CBR4: variants seen among roughly 807,000 people sequenced by gnomAD.
CBR4 encodes 3-oxoacyl-[acyl-carrier-protein] reductase.
CBR4 carries 22 observed loss-of-function variants against 21.0 expected under a neutral mutation model. That is an observed-to-expected ratio of 1.05 (90% CI 0.75 to 1.50). CBR4 has a LOEUF of 1.50. CBR4 is among the 40% of genes most tolerant of loss of function. The pLI is 0.00. For synonymous variants in CBR4, 100 were observed against 104.4 expected (o/e 0.96, Z 0.26); for missense variants, 302 against 286.3 (o/e 1.05, Z -0.40).
intron 3 of CBR4, chr4:168,894,495 G>A: frequency 1.2e-6 from 1 of 818,302 alleles, no homozygotes; most frequent in Non-Finnish European, 2.1e-6. Flanking sequence ...ATGAAAGTGT[G>A]TTGTTTTTTA....
intron 1 of CBR4, among the ~76,000 whole-genome samples, chr4:169,008,277 A>G (rs1409937136): frequency 2.6e-5 from 4 of 152,182 alleles, no homozygotes; most frequent in African/African-American, 9.7e-5. Context: ...GAGATGAGAC[A>G]ACACAGGAAG....
At chr4:168,976,847 T>C (rs1000677813) in intron 2 of CBR4, among the ~76,000 whole-genome samples, 1 of 152,212 alleles carries the variant, frequency 6.6e-6, no homozygotes, top group African/African-American at 2.4e-5. Flanking sequence ...GAACTGGCTA[T>C]TTTCACTTCT....
At chr4:168,980,735 C>CA (rs1177018462) in intron 2 of CBR4, among the ~76,000 whole-genome samples, 4 of 151,872 alleles carry the variant, frequency 2.6e-5, no homozygotes, top group African/African-American at 9.7e-5. Context: ...GACTCTATCT[C>CA]AAAAAAAGAA....
chr4:168,895,306 C>T (rs1021735827), intron 2 of CBR4, among the ~76,000 whole-genome samples: 3 of 152,118 alleles, frequency 2.0e-5, no homozygotes, highest in African/African-American at 4.8e-5. Flanking sequence ...TGCTTGAACC[C>T]GGGAGGTGGA....
intron 2 of CBR4, chr4:168,896,685 T>A (rs1755254693): frequency 4.1e-6 from 3 of 740,048 alleles, no homozygotes; most frequent in Middle Eastern, 2.3e-4. Flanking sequence ...TGTTTCTATC[T>A]TTTCTGCCAT....
In CBR4 at chr4:168,921,006, C is replaced by A. The variant is rs141563976; in HGVS notation, n.170-26241G>T. 4.8e-3 allele frequency among the ~76,000 whole-genome samples: 735 copies of A among 152,242 alleles called. 8 individuals carry two copies. Among genetic ancestry groups the A allele is most frequent in the Admixed American group, 5.6e-3 (85 of 15,296 alleles). ...TTTTTAAATCCCATCTCGGTCTTCTCTAGGTTGCTCTGTAAGAATTGTTTA... is the reference window on the plus strand; with the variant it reads ...TTTTTAAATCCCATCTCGGTCTTCTATAGGTTGCTCTGTAAGAATTGTTTA... On this transcript the variant is annotated intron_variant and non_coding_transcript_variant, in intron 2 of 3. Coordinates refer to the CBR4 transcript ENST00000509108.
chr4:168,912,646 A>G (rs191166398), intron 2 of CBR4, among the ~76,000 whole-genome samples: 1 of 152,326 alleles, frequency 6.6e-6, no homozygotes, highest in Non-Finnish European at 1.5e-5. Context: ...ACAGTGTGAT[A>G]TTTCAAAGCA....
intron 2 of CBR4, chr4:168,896,571 C>A: frequency 1.3e-6 from 2 of 1,516,546 alleles, no homozygotes; most frequent in Non-Finnish European, 1.8e-6. Context: ...CCTCATGCTT[C>A]TGTAGGGAGT....
chr4:168,999,706 A>G (rs1367871493), intron 4 of CBR4, among the ~76,000 whole-genome samples: 1 of 151,754 alleles, frequency 6.6e-6, no homozygotes, highest in Non-Finnish European at 1.5e-5. Flanking sequence ...CCACACTTCC[A>G]TAACAATCTT....
intron 2 of CBR4, among the ~76,000 whole-genome samples, chr4:168,970,240 T>G (rs1263335853): frequency 6.6e-6 from 1 of 152,196 alleles, no homozygotes. Flanking sequence ...AATTTTAATA[T>G]AGTCAATTTG....
chr4:168,990,723 A>G (rs1405199852), intron 4 of CBR4, among the ~76,000 whole-genome samples: 1 of 151,626 alleles, frequency 6.6e-6, no homozygotes, highest in Admixed American at 6.6e-5. Flanking sequence ...TACCCACCCT[A>G]TAATTTGAAA....
At chr4:168,935,190 C>T (rs544206062) in intron 2 of CBR4, among the ~76,000 whole-genome samples, 1 of 152,296 alleles carries the variant, frequency 6.6e-6, no homozygotes, top group Non-Finnish European at 1.5e-5. Context: ...AACTCCCTCC[C>T]CTAGCCAAGG....
At chr4:168,993,292 C>G (rs1351105982) in intron 4 of CBR4, among the ~76,000 whole-genome samples, 2 of 151,256 alleles carry the variant, frequency 1.3e-5, no homozygotes, top group Non-Finnish European at 2.9e-5. Context: ...CTCACCGCAA[C>G]CTCCGCCTCC....
chr4:168,951,387 C>A (rs969706636), intron 2 of CBR4, among the ~76,000 whole-genome samples: 1 of 152,166 alleles, frequency 6.6e-6, no homozygotes, highest in Non-Finnish European at 1.5e-5. Flanking sequence ...ATCATTTAGG[C>A]TATTTATATT....
intron 2 of CBR4, among the ~76,000 whole-genome samples, chr4:168,972,665 C>T (rs1177593803): frequency 6.6e-6 from 1 of 152,142 alleles, no homozygotes; most frequent in Non-Finnish European, 1.5e-5. Context: ...ATTATCAGAT[C>T]TAGAAGCTTT....
At chr4:168,907,511 T>C (rs2151346009) in intron 2 of CBR4, among the ~76,000 whole-genome samples, 1 of 152,234 alleles carries the variant, frequency 6.6e-6, no homozygotes, top group East Asian at 1.9e-4. Flanking sequence ...GTGGAGGAGC[T>C]GTGAGCTAGA....
intron 1 of CBR4, among the ~76,000 whole-genome samples, chr4:169,009,510 G>A (rs1731212674): frequency 6.6e-6 from 1 of 152,360 alleles, no homozygotes; most frequent in South Asian, 2.1e-4. Flanking sequence ...GTTGGTACCT[G>A]CACTCCCACC....
chr4:168,923,844 G>C (rs1001443304), intron 2 of CBR4, among the ~76,000 whole-genome samples: 4 of 152,160 alleles, frequency 2.6e-5, no homozygotes, highest in African/African-American at 9.7e-5. Context: ...GGGAATCTAA[G>C]TGGTCAAATT....
In CBR4 at chr4:168,990,002, G is replaced by C. The variant is rs1578990184; in HGVS notation, c.*148C>G. The C allele has an allele frequency of 8.0e-7, 1 of 1,251,898 alleles. No individual in the cohort carries two copies. The highest frequency in any genetic ancestry group is 1.0e-6 in the Non-Finnish European group (1 of 992,814). 77.5% of individuals were successfully genotyped at this position (1,251,898 alleles called of 1,614,324 possible). On this transcript the variant is annotated 3_prime_UTR_variant, in exon 5 of 5. Transcript: ENST00000306193. ...ACAATTTGTCACACATTGTTCTTTTGAGACATATTTTTATAAAGACAGAAA... is the reference window on the plus strand; with the variant it reads ...ACAATTTGTCACACATTGTTCTTTTCAGACATATTTTTATAAAGACAGAAA...
Sources: allele counts gnomAD v4.1 joint callset (sites outside exome capture counted in the v4.1 genomes callset), GRCh38; gene constraint gnomAD v4.1.1; transcripts MANE v1.5; gene names NCBI Gene and HGNC (gene_info 2026-07-23, HGNC 2026-07-21).